STPG2: variants seen among roughly 807,000 people sequenced by gnomAD.
STPG2 encodes the protein sperm tail PG-rich repeat containing 2.
Under a neutral mutation model 54.2 loss-of-function variants are expected in STPG2, and 56 were observed. That is an observed-to-expected ratio of 1.03 (90% CI 0.83 to 1.29). The LOEUF (loss-of-function observed/expected upper bound fraction) is 1.29, where lower values mean the gene tolerates loss of function less well. Among genes scored for constraint, STPG2 ranks in the 50% most tolerant of loss-of-function variants. The pLI, the probability that STPG2 is intolerant of heterozygous loss-of-function variation, is 0.00. For synonymous variants in STPG2, 200 were observed against 181.8 expected, an observed-to-expected ratio of 1.10 and a Z score of -0.81; for missense variants, 596 against 544.9, an observed-to-expected ratio of 1.09 and a Z score of -0.93.
chr4:97,787,815 C>A, intron 9 of STPG2, among the ~76,000 whole-genome samples: 1 of 151,572 alleles, frequency 6.6e-6, no homozygotes, highest in East Asian at 1.9e-4. Flanking sequence ...TTTGAGATAG[C>A]TCAGTAACTT....
At chr4:97,455,935 C>T (rs1488787422) in intron 4 of STPG2, among the ~76,000 whole-genome samples, 2 of 152,208 alleles carry the variant, frequency 1.3e-5, no homozygotes, top group Non-Finnish European at 2.9e-5. Flanking sequence ...AAGTGAGCCA[C>T]TCCTGCTGTT....
In STPG2 at chr4:97,911,266, G is replaced by A. The variant is rs555402610; in HGVS notation, c.1044+32631C>T. Among the ~76,000 whole-genome samples, 512 of 152,322 alleles carry A rather than the reference G, an allele frequency of 3.4e-3. 2 individuals are homozygous for A. The highest frequency in any genetic ancestry group is 0.012 in the African/African-American group (490 of 41,576). ...AAACACAGGAGTTTTTGCATACTCC[G>A]TGCCTGGGAATTCCAATGAGGCAGG... On this transcript the variant is annotated intron_variant, in intron 8 of 10. Coordinates refer to ENST00000295268, the MANE Select transcript of STPG2 (RefSeq NM_174952.3).
At chr4:97,448,977 A>G (rs1269997102) in intron 4 of STPG2, among the ~76,000 whole-genome samples, 1 of 152,146 alleles carries the variant, frequency 6.6e-6, no homozygotes, top group East Asian at 1.9e-4. Context: ...TAATGAACTC[A>G]TTAACATAAA....
chr4:97,746,270 A>T (rs1433960297), intron 9 of STPG2, among the ~76,000 whole-genome samples: 2 of 151,296 alleles, frequency 1.3e-5, no homozygotes, highest in Non-Finnish European at 3.0e-5. Flanking sequence ...AGACACCATT[A>T]AAACATTAAA....
chr4:98,018,196 T>C (rs1279373571), intron 5 of STPG2, among the ~76,000 whole-genome samples: 1 of 147,818 alleles, frequency 6.8e-6, no homozygotes, highest in East Asian at 2.0e-4. Context: ...GTCCCCAGAG[T>C]GTGATGTTCC....
Position 98,109,344 on chromosome 4 carries a change from T to C in STPG2, c.388-39A>G, listed in dbSNP as rs765610376. The C allele has an allele frequency of 2.1e-6, 3 of 1,442,616 alleles. No homozygotes were observed. In the Admixed American group the frequency reaches 5.4e-5, roughly 26 times the overall value. The allele number at this position is 1,442,616 out of a possible 1,614,324, so 89.4% of individuals were successfully genotyped here. ...AGTTTTAAAAAGTGAGGATGAAACATAGTTTAAATAAGTCATGAAACAATG... is the reference window on the plus strand; with the variant it reads ...AGTTTTAAAAAGTGAGGATGAAACACAGTTTAAATAAGTCATGAAACAATG... On this transcript the variant is annotated intron_variant, in intron 3 of 10. Coordinates refer to ENST00000295268, the MANE Select transcript of STPG2 (RefSeq NM_174952.3).
At chr4:97,652,449 T>C (rs895026901) in intron 10 of STPG2, among the ~76,000 whole-genome samples, 2 of 151,748 alleles carry the variant, frequency 1.3e-5, no homozygotes, top group Admixed American at 1.3e-4. Flanking sequence ...AGAAACTTGC[T>C]AGTATATGTT....
chr4:97,896,261 T>C (rs1248383252), intron 8 of STPG2, among the ~76,000 whole-genome samples: 6 of 151,832 alleles, frequency 4.0e-5, no homozygotes, highest in Non-Finnish European at 7.4e-5. Flanking sequence ...GTAATCATCA[T>C]AACTAACCCA....
intron 10 of STPG2, among the ~76,000 whole-genome samples, chr4:97,710,270 T>C (rs1011831657): frequency 6.6e-6 from 1 of 151,934 alleles, no homozygotes; most frequent in Admixed American, 6.6e-5. Flanking sequence ...AAGTAAGATA[T>C]ATTCCAAAAG....
intron 5 of STPG2, among the ~76,000 whole-genome samples, chr4:97,999,563 G>A (rs1735348763): frequency 6.6e-6 from 1 of 152,144 alleles, no homozygotes; most frequent in Admixed American, 6.5e-5. Flanking sequence ...ATTAGCCGTG[G>A]TGGCATGGGC....
intron 5 of STPG2, among the ~76,000 whole-genome samples, chr4:98,058,747 A>C (rs1046961870): frequency 6.6e-6 from 1 of 152,124 alleles, no homozygotes; most frequent in African/African-American, 2.4e-5. Context: ...CCACCCAAAA[A>C]CAACAGAATA....
In STPG2 at chr4:98,061,942, C is replaced by T. The variant is rs113409126; in HGVS notation, c.612+44011G>A. Among the ~76,000 whole-genome samples, 892 of 152,226 alleles carry T rather than the reference C, an allele frequency of 5.9e-3. 6 individuals carry two copies. The highest frequency in any genetic ancestry group is 0.02 in the Middle Eastern group (6 of 294). ...GTCATTTGACCCAGCAATCCCATTG[C>T]TAAGTATATACCCAGAGGAATATAA... On this transcript the variant is annotated intron_variant, in intron 5 of 10. Transcript: ENST00000295268.
At chr4:98,009,314 T>A (rs541941217) in intron 5 of STPG2, among the ~76,000 whole-genome samples, 1 of 151,958 alleles carries the variant, frequency 6.6e-6, no homozygotes, top group East Asian at 1.9e-4. Context: ...ATCTTTTTAT[T>A]TCCCTTTTAA....
intron 5 of STPG2, among the ~76,000 whole-genome samples, chr4:97,986,577 A>C (rs546653337): frequency 6.6e-6 from 1 of 152,320 alleles, no homozygotes; most frequent in South Asian, 2.1e-4. Context: ...TCATTGGCAA[A>C]GTATATTTTA....
intron 8 of STPG2, among the ~76,000 whole-genome samples, chr4:97,857,266 C>A (rs1729366901): frequency 6.6e-6 from 1 of 152,086 alleles, no homozygotes; most frequent in African/African-American, 2.4e-5. Context: ...TGGAAGAATT[C>A]AGCTGTGAAT....
At chr4:97,790,181 G>A (rs199543775) in intron 9 of STPG2, among the ~76,000 whole-genome samples, 1 of 27,628 alleles carries the variant, frequency 3.6e-5, no homozygotes, top group Admixed American at 2.3e-4. Context: ...CTGGAACAAC[G>A]GCACATCTGG....
chr4:97,552,225 C>T (rs58510840), intron 4 of STPG2, among the ~76,000 whole-genome samples: 23,099 of 151,938 alleles, frequency 0.15, 5,158 homozygotes, highest in African/African-American at 0.49. Flanking sequence ...CCTCCTTTTG[C>T]CTCAGTTTTT....
intron 1 of STPG2, 50 bp downstream of exon 1, chr4:98,142,992 C>A: frequency 6.6e-7 from 1 of 1,504,390 alleles, no homozygotes; most frequent in East Asian, 2.3e-5. Context: ...GCGGAGCAGG[C>A]TGAAGATAGG....
intron 10 of STPG2, among the ~76,000 whole-genome samples, chr4:97,562,609 A>C (rs578151141): frequency 6.6e-6 from 1 of 152,172 alleles, no homozygotes; most frequent in South Asian, 2.1e-4. Context: ...ATTTTGAGAT[A>C]CTTCCCATCA....
Sources: allele counts gnomAD v4.1 joint callset (sites outside exome capture counted in the v4.1 genomes callset), GRCh38; gene constraint gnomAD v4.1.1; transcripts MANE v1.5; gene names NCBI Gene and HGNC (gene_info 2026-07-23, HGNC 2026-07-21).